CCDC157: variants seen among roughly 807,000 people sequenced by gnomAD.
The protein encoded by CCDC157 is coiled-coil domain containing 157, also known as coiled-coil domain-containing protein 157.
CCDC157 carries 60 observed loss-of-function variants against 70.9 expected under a neutral mutation model. The ratio of observed to expected loss-of-function variants is 0.85; its 90% CI spans 0.69 to 1.05. The LOEUF (loss-of-function observed/expected upper bound fraction) is 1.05. Among genes scored for constraint, CCDC157 ranks in the 50% least tolerant of loss-of-function variants. CCDC157 has a pLI of 0.00. For synonymous variants in CCDC157, 373 were observed against 422.4 expected (o/e 0.88, Z 1.43); for missense variants, 943 against 984.2 (o/e 0.96, Z 0.56).
intron 2 of CCDC157, among the ~76,000 whole-genome samples, chr22:30,364,211 C>T (rs1345760841): frequency 6.6e-6 from 1 of 152,160 alleles, no homozygotes; most frequent in Admixed American, 6.5e-5. Context: ...GTGGCACATG[C>T]CTGTAGTCCT....
chr22:30,371,829 G>A (rs1191158348), intron 6 of CCDC157, 102 bp downstream of exon 6: 1 of 1,107,286 alleles, frequency 9.0e-7, no homozygotes, highest in Non-Finnish European at 1.4e-6. Flanking sequence ...GGGCAAAGTT[G>A]AAGGGAACCA....
chr22:30,376,538 G>T lies in CCDC157; in HGVS notation c.2052G>T (p.Gln684His). The change falls in exon 12 of 12, where the codon CAG becomes CAT. Residue 684 changes from glutamine to histidine, a missense_variant. Gln to His is a conservative substitution (Grantham distance 24). Coordinates refer to ENST00000338306, the MANE Select transcript of CCDC157 (RefSeq NM_001017437.5). The stretch of plus-strand genomic sequence containing the variant: ...AGCCCTGCACATCCCCACCTCGGCA[G>T]CCCTGCACATCCCCACCTCGGCAGC... ...PRQPCTSPPR[Q>H]PCTSPPRQPC... 6.2e-7 allele frequency: 1 copy of T among 1,613,428 alleles called. No homozygotes were observed. Among genetic ancestry groups the T allele is most frequent in the Non-Finnish European group, 8.5e-7 (1 of 1,179,948 alleles).
chr22:30,378,064 C>T lies in CCDC157; in HGVS notation c.*1319C>T, dbSNP rs555497195. On this transcript the variant is annotated 3_prime_UTR_variant, in exon 12 of 12. Coordinates refer to ENST00000338306, the MANE Select transcript of CCDC157 (RefSeq NM_001017437.5). ...GCTGTGGGACTGAGGTCCCCATGTC[C>T]TCGCTGGCTGGCTGTAAGCCAGGTC... 2 of 470,288 alleles carry T rather than the reference C, an allele frequency of 4.3e-6. No individual in the cohort carries two copies. The highest frequency in any genetic ancestry group is 2.4e-5 in the Admixed American group (1 of 42,452). The allele number at this position is 470,288 out of a possible 1,614,324, so 29.1% of individuals were successfully genotyped here.
chr22:30,373,449 G>C lies in CCDC157; in HGVS notation c.1336-148G>C, dbSNP rs988652032. On this transcript the variant is annotated intron_variant, in intron 7 of 11. Coordinates refer to ENST00000338306, the MANE Select transcript of CCDC157 (RefSeq NM_001017437.5). Reference sequence around the variant, plus strand: ...CTTCCCCCGACCCCTACCCTTCCACGCATGTGACCAGCATTCCCTAGACAC... The same window carrying C: ...CTTCCCCCGACCCCTACCCTTCCACCCATGTGACCAGCATTCCCTAGACAC... 2.8e-5 allele frequency: 23 copies of C among 818,144 alleles called. No homozygotes were observed. In the Admixed American group the frequency reaches 3.3e-4, roughly 12 times the overall value. 50.7% of individuals were successfully genotyped at this position (818,144 alleles called of 1,614,324 possible). A position where few individuals can be genotyped will look rare whatever the true frequency, so the allele number is the denominator to read the frequency against.
At position 30,371,747 on chromosome 22, in the gene CCDC157, G is replaced by A; in HGVS notation, c.1123+20G>A. ...CTGTGGGTAAGGAGCCCCATCATAG[G>A]CCCCCATGCCACATCTCAAGCCAGG... On this transcript the variant is annotated intron_variant, in intron 6 of 11. Transcript: ENST00000338306. The A allele has an allele frequency of 6.3e-7, 1 of 1,587,968 alleles. No individual in the cohort carries two copies. Among genetic ancestry groups the A allele is most frequent in the South Asian group, 1.1e-5 (1 of 90,638 alleles).
chr22:30,356,657 G>T, upstream of CCDC157: 1 of 1,197,974 alleles, frequency 8.3e-7, no homozygotes, highest in Non-Finnish European at 1.1e-6. Context: ...GCGGCCGGCC[G>T]CTTATTCCTG....
rs771926895 is a variant in CCDC157 at position 30,376,430 on chromosome 22, C to G, written c.1947-3C>G. The G allele has an allele frequency of 6.2e-7, 1 of 1,613,922 alleles. No individual in the cohort carries two copies. ...GGGGATCTTGGATCTGGTTTTCCTT[C>G]AGGCCTCTGGGCAGACAGCACCTTC... is the stretch of plus-strand genomic sequence containing the variant. On this transcript the variant is annotated splice_region_variant and splice_polypyrimidine_tract_variant and intron_variant, in intron 11 of 11. Transcript: ENST00000338306.
intron 7 of CCDC157, 31 bp from the exon 8 acceptor site, chr22:30,373,564 TCA>T (rs773783960): frequency 2.6e-6 from 4 of 1,550,728 alleles, no homozygotes; most frequent in South Asian, 1.2e-5. Context: ...CCTGTGGGTC[TCA>T]CAGCCTCCCT....
chr22:30,365,309 G>A (rs1076296), intron 2 of CCDC157, among the ~76,000 whole-genome samples: 15,716 of 150,288 alleles, frequency 0.1, 910 homozygotes, highest in Middle Eastern at 0.21. Context: ...GCTGCAACTC[G>A]TAGCTGATGG....
At chr22:30,367,463 T>C (rs1305422265) in intron 3 of CCDC157, among the ~76,000 whole-genome samples, 2 of 152,036 alleles carry the variant, frequency 1.3e-5, no homozygotes, top group Non-Finnish European at 2.9e-5. Flanking sequence ...GGTCTCAAAC[T>C]CCTGACCTCA....
chr22:30,376,155 C>T (rs911700576), intron 10 of CCDC157, 104 bp from the exon 11 acceptor site: 43 of 1,032,976 alleles, frequency 4.2e-5, no homozygotes, highest in Non-Finnish European at 5.4e-5. Context: ...CATGGATATG[C>T]GCCCGGCCCT....
In CCDC157 at chr22:30,377,794, C is replaced by A; in HGVS notation, c.*1049C>A. On this transcript the variant is annotated 3_prime_UTR_variant, in exon 12 of 12. Transcript: ENST00000338306. ...AGCACCCTGAGCCAGAAGGCCTGTG[C>A]TCAAGTCCAGGGGAAGGACCTCACA... 3 of 260,424 alleles carry A rather than the reference C, an allele frequency of 1.2e-5. No homozygotes were observed. The highest frequency in any genetic ancestry group is 3.9e-5 in the South Asian group (1 of 25,576). The allele number at this position is 260,424 out of a possible 1,614,324, so 16.1% of individuals were successfully genotyped here.
At chr22:30,367,268 G>A (rs994647913) in intron 3 of CCDC157, among the ~76,000 whole-genome samples, 20 of 150,278 alleles carry the variant, frequency 1.3e-4, no homozygotes, top group African/African-American at 4.9e-4. Context: ...TTTTTCTTCG[G>A]AGTTTTGCTC....
chr22:30,378,226 G>A lies in CCDC157; in HGVS notation c.*1481G>A, dbSNP rs1933453935. The A allele has an allele frequency of 1.1e-5, 5 of 467,888 alleles. No individual in the cohort carries two copies. Among genetic ancestry groups the A allele is most frequent in the Non-Finnish European group, 2.2e-5 (5 of 225,108 alleles). 29.0% of individuals were successfully genotyped at this position (467,888 alleles called of 1,614,324 possible). A position where few individuals can be genotyped will look rare whatever the true frequency, so the allele number is the denominator to read the frequency against. ...CTGACTTCCTCCTCTTCTACCAGCA[G>A]AAAACTACTTTGAATAGGCTCATGT... is the stretch of plus-strand genomic sequence containing the variant. On this transcript the variant is annotated 3_prime_UTR_variant, in exon 12 of 12. Coordinates refer to ENST00000338306, the MANE Select transcript of CCDC157 (RefSeq NM_001017437.5).
Position 30,373,579 on chromosome 22 carries a change from T to G in CCDC157, c.1336-18T>G, listed in dbSNP as rs1289676553. The G allele has an allele frequency of 3.9e-6, 6 of 1,551,782 alleles. No homozygotes were observed. In the African/African-American group the frequency reaches 8.2e-5, roughly 21 times the overall value. ...CCTGTGGGTCTCACAGCCTCCCTGC[T>G]TGTCCGTTCCTGCTTAGTCTCTGCA... On this transcript the variant is annotated intron_variant, in intron 7 of 11. Coordinates refer to ENST00000338306, the MANE Select transcript of CCDC157 (RefSeq NM_001017437.5).
At position 30,376,241 on chromosome 22, in the gene CCDC157, T is replaced by C. The variant is rs1484549711; in HGVS notation, c.1858-18T>C. 1 of 1,189,784 alleles carries C rather than the reference T, an allele frequency of 8.4e-7. No individual in the cohort carries two copies. 73.7% of individuals were successfully genotyped at this position (1,189,784 alleles called of 1,614,324 possible). On this transcript the variant is annotated intron_variant, in intron 10 of 11. Coordinates refer to ENST00000338306, the MANE Select transcript of CCDC157 (RefSeq NM_001017437.5). ...CTCCTGGGCCCTTATAAGACTGGCT[T>C]TTTTTTTTTTTTTGTAGCTGATCCC... is the stretch of plus-strand genomic sequence containing the variant.
Position 30,370,780 on chromosome 22 carries a change from C to A in CCDC157, c.875C>A (p.Ala292Asp). The A allele has an allele frequency of 1.2e-6, 2 of 1,613,490 alleles. No homozygotes were observed. Among genetic ancestry groups the A allele is most frequent in the Non-Finnish European group, 1.7e-6 (2 of 1,179,998 alleles). The change falls in exon 5 of 12, where the codon GCC becomes GAC. Residue 292 changes from alanine to aspartate, a missense_variant. Coordinates refer to ENST00000338306, the MANE Select transcript of CCDC157 (RefSeq NM_001017437.5). ...DLTRLSKHVE[A>D]LRAQLEEAEG... is the part of the protein sequence containing the mutation. Reference sequence around the variant, plus strand: ...ACGCGCCTCAGTAAGCATGTGGAGGCCCTCAGGGCCCAGCTGGAGGAGGCT... The same window carrying A: ...ACGCGCCTCAGTAAGCATGTGGAGGACCTCAGGGCCCAGCTGGAGGAGGCT...
chr22:30,364,655 T>G (rs765597515), intron 2 of CCDC157, among the ~76,000 whole-genome samples: 3 of 151,774 alleles, frequency 2.0e-5, no homozygotes, highest in Non-Finnish European at 4.4e-5. Context: ...CTGCAAAAAT[T>G]AGCCAGGCGT....
intron 1 of CCDC157, among the ~76,000 whole-genome samples, chr22:30,357,760 G>A (rs1932014593): frequency 6.7e-6 from 1 of 149,394 alleles, no homozygotes; most frequent in Non-Finnish European, 1.5e-5. Flanking sequence ...CAAATGATCC[G>A]CCCGCCTCGG....
Sources: allele counts gnomAD v4.1 joint callset (sites outside exome capture counted in the v4.1 genomes callset), GRCh38; gene constraint gnomAD v4.1.1; transcripts MANE v1.5; gene names NCBI Gene and HGNC (gene_info 2026-07-23, HGNC 2026-07-21).